The following TMEM178B variants were observed in gnomAD, a reference collection of about 807,000 sequenced individuals.
TMEM178B encodes transmembrane protein 178B.
TMEM178B carries 5 observed loss-of-function variants against 31.0 expected under a neutral mutation model. That is an observed-to-expected ratio of 0.16 (90% confidence interval 0.08 to 0.34). The LOEUF is 0.34. TMEM178B is among the 10% of genes least tolerant of loss of function. The pLI is 1.00. For synonymous variants in TMEM178B, 164 were observed against 164.0 expected (o/e 1.00, Z 0.00); for missense variants, 275 against 400.3 (o/e 0.69, Z 2.67).
At chr7:141,167,430 C>T (rs531480591) in intron 1 of TMEM178B, among the ~76,000 whole-genome samples, 2 of 152,352 alleles carry the variant, frequency 1.3e-5, no homozygotes, top group African/African-American at 4.8e-5. Flanking sequence ...TGTGAGTGTG[C>T]GCGAATCGTG....
intron 1 of TMEM178B, among the ~76,000 whole-genome samples, chr7:141,188,344 G>A (rs1358727343): frequency 2.0e-5 from 3 of 152,164 alleles, no homozygotes; most frequent in African/African-American, 7.2e-5. Context: ...GCTCATTGGA[G>A]CATTTCAGGT....
rs528016703 is a variant in TMEM178B at position 141,383,342 on chromosome 7, G to A, written c.497-54266G>A. The stretch of plus-strand genomic sequence containing the variant: ...CATTAACTCGTCATTTACATTAGGT[G>A]TGTCTCCTAATGCTATCCCTCCCCC... On this transcript the variant is annotated intron_variant, in intron 2 of 3. Transcript: ENST00000565468. Among the ~76,000 whole-genome samples, 656 of 150,996 alleles carry A rather than the reference G, an allele frequency of 4.3e-3. 3 individuals are homozygous for A. The highest frequency in any genetic ancestry group is 0.021 in the South Asian group (96 of 4,668).
intron 2 of TMEM178B, among the ~76,000 whole-genome samples, chr7:141,368,381 G>T (rs1800049915): frequency 1.3e-5 from 2 of 152,170 alleles, no homozygotes; most frequent in Non-Finnish European, 2.9e-5. Context: ...ATACTATTTT[G>T]CATGTTTTAA....
chr7:141,283,584 C>G (rs1052925420), intron 2 of TMEM178B, among the ~76,000 whole-genome samples: 1 of 152,150 alleles, frequency 6.6e-6, no homozygotes, highest in African/African-American at 2.4e-5. Context: ...TTTCACGTGT[C>G]TTATTGCAAA....
chr7:141,341,550 T>C (rs1221673128), intron 2 of TMEM178B, among the ~76,000 whole-genome samples: 1 of 152,190 alleles, frequency 6.6e-6, no homozygotes, highest in Non-Finnish European at 1.5e-5. Flanking sequence ...CAGCTCCCCC[T>C]GAGGAAGATC....
At chr7:141,460,482 C>T (rs952623838) in intron 3 of TMEM178B, among the ~76,000 whole-genome samples, 1 of 152,222 alleles carries the variant, frequency 6.6e-6, no homozygotes, top group Admixed American at 6.5e-5. Context: ...AGGGTTTCAA[C>T]GTGAATTTTT....
intron 2 of TMEM178B, among the ~76,000 whole-genome samples, chr7:141,256,820 T>C (rs1359450114): frequency 6.6e-6 from 1 of 152,148 alleles, no homozygotes; most frequent in Non-Finnish European, 1.5e-5. Flanking sequence ...TGTCAAGATG[T>C]TGCTGACGTG....
intron 2 of TMEM178B, among the ~76,000 whole-genome samples, chr7:141,381,984 T>C (rs1800325010): frequency 6.6e-6 from 1 of 152,178 alleles, no homozygotes; most frequent in African/African-American, 2.4e-5. Context: ...AACTGAGATC[T>C]TCACAGAATG....
chr7:141,277,960 A>T (rs997275128), intron 2 of TMEM178B, among the ~76,000 whole-genome samples: 2 of 152,248 alleles, frequency 1.3e-5, no homozygotes, highest in African/African-American at 4.8e-5. Context: ...TTGGAGAGAT[A>T]AGATATGAAG....
At chr7:141,215,305 T>A (rs1369659718) in intron 2 of TMEM178B, among the ~76,000 whole-genome samples, 2 of 147,530 alleles carry the variant, frequency 1.4e-5, no homozygotes, top group Non-Finnish European at 3.0e-5. Flanking sequence ...CATTCTAGAT[T>A]GGTTATCATC....
chr7:141,488,190 T>C, the TMEM178B span, among the ~76,000 whole-genome samples: 1 of 152,220 alleles, frequency 6.6e-6, no homozygotes, highest in Non-Finnish European at 1.5e-5. Flanking sequence ...TCTCATTAAT[T>C]CTGAACCAAA....
intron 2 of TMEM178B, among the ~76,000 whole-genome samples, chr7:141,225,589 G>T (rs1250737440): frequency 6.6e-6 from 1 of 152,160 alleles, no homozygotes; most frequent in Non-Finnish European, 1.5e-5. Context: ...CTCAACAAAT[G>T]AGATTTTGGA....
At chr7:141,133,970 C>T (rs1795634584) in intron 1 of TMEM178B, among the ~76,000 whole-genome samples, 1 of 152,150 alleles carries the variant, frequency 6.6e-6, no homozygotes, top group Non-Finnish European at 1.5e-5. Context: ...TGTAATGGCT[C>T]ATTCCTATAA....
intron 2 of TMEM178B, among the ~76,000 whole-genome samples, chr7:141,296,614 C>T (rs1218963141): frequency 6.6e-6 from 1 of 152,126 alleles, no homozygotes. Flanking sequence ...AGGGTTCTGG[C>T]AGACTTCTTT....
At chr7:141,459,142 GC>G (rs1198589977) in intron 3 of TMEM178B, among the ~76,000 whole-genome samples, 1 of 152,168 alleles carries the variant, frequency 6.6e-6, no homozygotes, top group African/African-American at 2.4e-5. Context: ...CAATTCTCCT[GC>G]CTCAGCCTCC....
At chr7:141,084,488 C>G (rs893803776) in intron 1 of TMEM178B, among the ~76,000 whole-genome samples, 14 of 152,210 alleles carry the variant, frequency 9.2e-5, no homozygotes, top group African/African-American at 3.1e-4. Context: ...CTCACAAGTA[C>G]AAGCCCCCTG....
chr7:141,085,909 G>A (rs1794777882), intron 1 of TMEM178B, among the ~76,000 whole-genome samples: 1 of 151,976 alleles, frequency 6.6e-6, no homozygotes, highest in Non-Finnish European at 1.5e-5. Context: ...AATGTCCATG[G>A]CACCACTGTT....
chr7:141,189,701 C>G (rs1217827557), intron 1 of TMEM178B, among the ~76,000 whole-genome samples: 1 of 152,234 alleles, frequency 6.6e-6, no homozygotes, highest in Admixed American at 6.5e-5. Flanking sequence ...CCCACATCAG[C>G]ATGAGCAGCA....
intron 2 of TMEM178B, among the ~76,000 whole-genome samples, chr7:141,247,764 G>T (rs768995108): frequency 6.6e-5 from 10 of 152,172 alleles, no homozygotes; most frequent in Non-Finnish European, 1.2e-4. Flanking sequence ...CATTTGCATT[G>T]CAGGTAAACA....
Sources: allele counts gnomAD v4.1 joint callset (sites outside exome capture counted in the v4.1 genomes callset), GRCh38; gene constraint gnomAD v4.1.1; transcripts MANE v1.5; gene names NCBI Gene and HGNC (gene_info 2026-07-23, HGNC 2026-07-21).